The following PCDHGA7 variants were observed in gnomAD, a reference collection of about 807,000 sequenced individuals.
The protein encoded by PCDHGA7 is protocadherin gamma-A7.
In PCDHGA7, 44 loss-of-function variants were observed where a neutral mutation model predicts 58.3. That is an observed-to-expected ratio of 0.75 (90% CI 0.59 to 0.97). PCDHGA7 has a LOEUF of 0.97. Ranked by LOEUF, PCDHGA7 falls within the 50% of genes least tolerant of loss-of-function variation. The pLI, the probability that PCDHGA7 is intolerant of heterozygous loss-of-function variation, is 0.00. For synonymous variants in PCDHGA7, 516 were observed against 504.2 expected, an observed-to-expected ratio of 1.02 and a Z score of -0.31; for missense variants, 1,266 against 1,188.7, an observed-to-expected ratio of 1.06 and a Z score of -0.96.
At chr5:141,430,808 G>A in intron 1 of PCDHGA7, 1 of 1,526,682 alleles carries the variant, frequency 6.6e-7, no homozygotes, top group East Asian at 2.3e-5. Flanking sequence ...TGTCCTGCTG[G>A]GAATCCTCCT....
intron 1 of PCDHGA7, chr5:141,433,070 C>T: frequency 6.2e-7 from 1 of 1,614,174 alleles, no homozygotes; most frequent in Non-Finnish European, 8.5e-7. Flanking sequence ...CCTGATCTTC[C>T]CCCAGCCCAA....
intron 1 of PCDHGA7, chr5:141,478,628 T>G (rs1245431927): frequency 6.4e-7 from 1 of 1,553,704 alleles, no homozygotes; most frequent in African/African-American, 1.4e-5. Context: ...GAGCTGTTTT[T>G]TTAGTGATGA....
intron 1 of PCDHGA7, among the ~76,000 whole-genome samples, chr5:141,435,232 G>A (rs1317217213): frequency 6.6e-6 from 1 of 152,062 alleles, no homozygotes; most frequent in Non-Finnish European, 1.5e-5. Context: ...TCAAAGTTCA[G>A]TAATTCTTTC....
intron 1 of PCDHGA7, chr5:141,441,889 GT>G: frequency 2.9e-6 from 1 of 346,022 alleles, no homozygotes; most frequent in South Asian, 2.6e-5. Flanking sequence ...GGTCACCAAG[GT>G]GGTGGCTGTA....
At chr5:141,449,202 C>T (rs77980623) in intron 1 of PCDHGA7, among the ~76,000 whole-genome samples, 7,411 of 152,148 alleles carry the variant, frequency 0.049, 284 homozygotes, top group African/African-American at 0.1. Context: ...AGTGTTAATT[C>T]TAACTTTCTG....
chr5:141,408,871 T>C, intron 1 of PCDHGA7: 2 of 1,612,784 alleles, frequency 1.2e-6, no homozygotes, highest in Non-Finnish European at 1.7e-6. Flanking sequence ...CACCAAGAAG[T>C]GCCACCGCTC....
chr5:141,389,787 G>A, intron 1 of PCDHGA7: 1 of 1,613,328 alleles, frequency 6.2e-7, no homozygotes, highest in Non-Finnish European at 8.5e-7. Flanking sequence ...CGACAGGGAC[G>A]CCGTCCGCCA....
intron 1 of PCDHGA7, among the ~76,000 whole-genome samples, chr5:141,401,525 G>A (rs1055771013): frequency 6.6e-6 from 1 of 152,096 alleles, no homozygotes; most frequent in Non-Finnish European, 1.5e-5. Flanking sequence ...ATTACCAGAA[G>A]AAACTTACAA....
intron 1 of PCDHGA7, chr5:141,433,358 CCTATCTATCTAT>C (rs3074541): frequency 0.01 from 5,256 of 504,010 alleles, 38 homozygotes; most frequent in Non-Finnish European, 0.014. Flanking sequence ...CTACTGTCTG[CCTATCTATCTAT>C]CTATCTATCT....
chr5:141,387,995 T>TCC (rs2091190111), intron 1 of PCDHGA7: 1 of 1,490,632 alleles, frequency 6.7e-7, no homozygotes, highest in Admixed American at 2.1e-5. Flanking sequence ...GCTACAGGAT[T>TCC]CCCGAGGAAA....
Position 141,431,374 on chromosome 5 carries a change from GGCT to G in PCDHGA7, c.2424+46055_2424+46057del, listed in dbSNP as rs752583215. The G allele has an allele frequency of 1.7e-4, 275 of 1,613,980 alleles. No individual in the cohort carries two copies. Among genetic ancestry groups the G allele is most frequent in the Non-Finnish European group, 2.0e-4 (238 of 1,180,036 alleles). On this transcript the variant is annotated intron_variant, in intron 1 of 3. Coordinates refer to ENST00000518325, the MANE Select transcript of PCDHGA7 (RefSeq NM_018920.4). This position sits in a 1 kb window ranked among gnomAD's most constrained non-coding sequence, Gnocchi z 4.8. Reference sequence around the variant, plus strand: ...AACGCGCCCTGGACCGCGAAGAAAAGGCTGCTCACCACCTGGTCCTTACGGCCT... The same window carrying G: ...AACGCGCCCTGGACCGCGAAGAAAAGGCTCACCACCTGGTCCTTACGGCCT...
intron 1 of PCDHGA7, chr5:141,433,047 C>G: frequency 1.9e-6 from 3 of 1,614,164 alleles, no homozygotes; most frequent in Non-Finnish European, 2.5e-6. Context: ...ACCACGGACT[C>G]GCGGAAGAGT....
intron 2 of PCDHGA7, among the ~76,000 whole-genome samples, chr5:141,497,212 G>A (rs968445663): frequency 6.6e-6 from 1 of 150,900 alleles, no homozygotes; most frequent in Non-Finnish European, 1.5e-5. Flanking sequence ...AGTGTAATGG[G>A]GGGGGGAAGA....
chr5:141,389,269 A>G, intron 1 of PCDHGA7: 2 of 1,613,976 alleles, frequency 1.2e-6, no homozygotes, highest in Non-Finnish European at 1.7e-6. Flanking sequence ...GTGGCCGAGA[A>G]CAACCCGCCT....
chr5:141,437,247 C>T (rs2097870457), intron 1 of PCDHGA7, among the ~76,000 whole-genome samples: 2 of 152,090 alleles, frequency 1.3e-5, no homozygotes, highest in Non-Finnish European at 2.9e-5. Context: ...AAGGACTTTC[C>T]TTGTCTTTTT....
chr5:141,494,790 C>A lies in PCDHGA7; in HGVS notation c.2425-17C>A, dbSNP rs909145. 17 of 1,614,014 alleles carry A rather than the reference C, an allele frequency of 1.1e-5. 1 individual carries two copies. The South Asian group carries it at 1.9e-4, about 18-fold the overall frequency. ...TCTCACGGGTACTCAGCCCCTTTCC[C>A]TCTGTTTTCTCCACAGCAAGCCCCG... On this transcript the variant is annotated splice_polypyrimidine_tract_variant and intron_variant, in intron 1 of 3. Transcript: ENST00000518325.
At chr5:141,413,182 G>T (rs752788034) in intron 1 of PCDHGA7, 2 of 1,604,164 alleles carry the variant, frequency 1.2e-6, no homozygotes, top group Admixed American at 3.4e-5. Flanking sequence ...TACAATGGCC[G>T]CTCAAAGGAA....
chr5:141,406,257 C>T (rs1180988990), intron 1 of PCDHGA7, among the ~76,000 whole-genome samples: 1 of 151,898 alleles, frequency 6.6e-6, no homozygotes, highest in African/African-American at 2.4e-5. Context: ...TGGTCTCAAA[C>T]GATCTTCCTG....
rs200016406 is a variant in PCDHGA7 at position 141,383,092 on chromosome 5, C to T, written c.193C>T (p.Arg65Cys). The T allele has an allele frequency of 3.1e-4, 507 of 1,613,932 alleles. 2 individuals are homozygous for T. Among genetic ancestry groups the T allele is most frequent in the Middle Eastern group, 1.7e-3 (10 of 6,060 alleles). ...EPRELAERGVRIISRGRTQLF... is the reference protein window; with the variant it reads ...EPRELAERGVCIISRGRTQLF... The stretch of plus-strand genomic sequence containing the variant: ...CCGGGAGCTGGCGGAGCGCGGAGTC[C>T]GCATCATCTCCAGAGGTAGGACGCA... Residue 65 changes from arginine to cysteine, a missense_variant, in exon 1 of 4, where the codon CGC becomes TGC. Physicochemically the swap from Arg to Cys is radical, Grantham distance 180. Coordinates refer to ENST00000518325, the MANE Select transcript of PCDHGA7 (RefSeq NM_018920.4).
Sources: gnomAD v4.1 joint callset for allele counts (sites outside exome capture counted in the v4.1 genomes callset) on GRCh38, gnomAD v4.1.1 for gene constraint, Gnocchi (gnomAD v3.1) non-coding constraint, MANE v1.5 for transcripts, NCBI Gene and HGNC (gene_info 2026-07-23, HGNC 2026-07-21) for gene names.